NDUFA8: variants seen among roughly 807,000 people sequenced by gnomAD.
NDUFA8 encodes NADH:ubiquinone oxidoreductase subunit A8.
Under a neutral mutation model 20.9 loss-of-function variants are expected in NDUFA8, and 16 were observed. The observed-to-expected ratio is 0.77, with a 90% CI of 0.52 to 1.16. The LOEUF is 1.16. Ranked by LOEUF, NDUFA8 falls within the 50% of genes most tolerant of loss-of-function variation. The pLI, the probability that NDUFA8 is intolerant of heterozygous loss-of-function variation, is 0.00. For synonymous variants in NDUFA8, 70 were observed against 76.1 expected (o/e 0.92, Z 0.41); for missense variants, 202 against 216.4 (o/e 0.93, Z 0.42).
chr9:122,148,532 G>A (rs1403311267), intron 2 of NDUFA8, among the ~76,000 whole-genome samples: 2 of 151,872 alleles, frequency 1.3e-5, no homozygotes, highest in African/African-American at 2.4e-5. Context: ...CCTAATGCAC[G>A]CCTATTTTAC....
chr9:122,150,916 G>A (rs1411753603), intron 2 of NDUFA8, among the ~76,000 whole-genome samples: 7 of 132,756 alleles, frequency 5.3e-5, no homozygotes, highest in African/African-American at 5.6e-5. Flanking sequence ...AGGTTGCAGT[G>A]AGCCAAGATC....
intron 3 of NDUFA8, among the ~76,000 whole-genome samples, chr9:122,146,289 T>TA (rs1030591852): frequency 3.3e-5 from 5 of 152,206 alleles, no homozygotes; most frequent in African/African-American, 1.2e-4. Context: ...TGAAAAGAGT[T>TA]AAGAGAATTT....
chr9:122,147,787 C>T (rs148588388), intron 3 of NDUFA8, among the ~76,000 whole-genome samples: 3,887 of 152,016 alleles, frequency 0.026, 65 homozygotes, highest in South Asian at 0.037. Flanking sequence ...CCACCACACC[C>T]GGCTAATTTT....
chr9:122,140,433 C>G (rs978613932), downstream of NDUFA8, among the ~76,000 whole-genome samples: 4 of 152,140 alleles, frequency 2.6e-5, no homozygotes, highest in Admixed American at 6.5e-5. Flanking sequence ...GATTTGATAT[C>G]TACAAAGATG....
At chr9:122,135,495 A>G in the NDUFA8 span, among the ~76,000 whole-genome samples, 1 of 152,130 alleles carries the variant, frequency 6.6e-6, no homozygotes, top group Non-Finnish European at 1.5e-5. Flanking sequence ...GTCTCTCCTC[A>G]TGCTTCCATT....
At chr9:122,159,265 C>G (rs758074177) in intron 1 of NDUFA8, among the ~76,000 whole-genome samples, 5 of 152,116 alleles carry the variant, frequency 3.3e-5, no homozygotes, top group Non-Finnish European at 7.4e-5. Flanking sequence ...ACTGTGAGCC[C>G]CTAGGGTTGT....
At chr9:122,134,852 G>A in the NDUFA8 span, among the ~76,000 whole-genome samples, 1 of 152,160 alleles carries the variant, frequency 6.6e-6, no homozygotes, top group Admixed American at 6.5e-5. Context: ...GACCATTCCT[G>A]ACACTGGACT....
intron 1 of NDUFA8, among the ~76,000 whole-genome samples, chr9:122,153,355 G>A (rs550350753): frequency 8.7e-6 from 1 of 115,448 alleles, no homozygotes; most frequent in South Asian, 2.7e-4. Flanking sequence ...GATGAGGCTG[G>A]AAGAGATCAC....
chr9:122,156,390 CTTTA>C (rs1387759197), intron 1 of NDUFA8, among the ~76,000 whole-genome samples: 1 of 152,142 alleles, frequency 6.6e-6, no homozygotes, highest in Non-Finnish European at 1.5e-5. Flanking sequence ...TTTTATAGTA[CTTTA>C]TTTATACCAT....
the NDUFA8 span, among the ~76,000 whole-genome samples, chr9:122,137,455 A>G: frequency 6.6e-6 from 1 of 151,906 alleles, no homozygotes; most frequent in Admixed American, 6.6e-5. Context: ...TGGCCAGGCT[A>G]GTCTCAAACT....
the NDUFA8 span, among the ~76,000 whole-genome samples, chr9:122,138,837 C>T: frequency 7.6e-6 from 1 of 132,132 alleles, no homozygotes. Flanking sequence ...TGAGCTGAAT[C>T]TCCAAGAAAG....
intron 1 of NDUFA8, among the ~76,000 whole-genome samples, 184 bp from the exon 2 acceptor site, chr9:122,152,592 A>G (rs2118711547): frequency 7.0e-6 from 1 of 143,860 alleles, no homozygotes; most frequent in African/African-American, 2.6e-5. Context: ...TTTCACTCCC[A>G]TTCCCCAGGC....
chr9:122,146,253 T>C (rs554505229), intron 3 of NDUFA8, among the ~76,000 whole-genome samples: 1 of 152,304 alleles, frequency 6.6e-6, no homozygotes, highest in Admixed American at 6.5e-5. Flanking sequence ...GTGTGAGCCA[T>C]GGCACCTGAT....
intron 2 of NDUFA8, among the ~76,000 whole-genome samples, chr9:122,148,689 G>T (rs1828944677): frequency 2.0e-5 from 3 of 151,964 alleles, no homozygotes; most frequent in African/African-American, 7.3e-5. Flanking sequence ...ACAGACAATG[G>T]CAAAGGAAGA....
At chr9:122,147,816 C>T (rs1336190347) in intron 3 of NDUFA8, among the ~76,000 whole-genome samples, 1 of 152,036 alleles carries the variant, frequency 6.6e-6, no homozygotes, top group Non-Finnish European at 1.5e-5. Flanking sequence ...TTAGTAGAGA[C>T]GGGGTTTTAC....
downstream of NDUFA8, among the ~76,000 whole-genome samples, chr9:122,142,264 G>A (rs928403127): frequency 1.3e-5 from 2 of 152,184 alleles, no homozygotes; most frequent in African/African-American, 4.8e-5. Flanking sequence ...GGAATCAGAT[G>A]TATCTGGGTT....
Position 122,156,877 on chromosome 9 carries a change from T to C in NDUFA8, c.51+2750A>G, listed in dbSNP as rs1829083282. ...TCATTAACATCTTTCTCAATAATTT[T>C]AAGAGCCACTGAGACTAGTCTCCCT... is the stretch of plus-strand genomic sequence containing the variant. On this transcript the variant is annotated intron_variant, in intron 1 of 3. Transcript: ENST00000373768. Among the ~76,000 whole-genome samples the C allele has an allele frequency of 2.0e-5, 3 of 152,372 alleles. No individual in the cohort carries two copies. In the South Asian group the frequency reaches 6.2e-4, roughly 32 times the overall value.
At chr9:122,133,858 G>A in the NDUFA8 span, among the ~76,000 whole-genome samples, 146 of 152,274 alleles carry the variant, frequency 9.6e-4, no homozygotes, top group African/African-American at 3.3e-3. Context: ...AAACAATAGC[G>A]CTGTCAGGAA....
chr9:122,135,373 G>A, the NDUFA8 span, among the ~76,000 whole-genome samples: 1 of 152,222 alleles, frequency 6.6e-6, no homozygotes, highest in South Asian at 2.1e-4. Context: ...TCTCAAGTCT[G>A]ACAGAAGACT....
Sources: allele counts gnomAD v4.1 joint callset (sites outside exome capture counted in the v4.1 genomes callset), GRCh38; gene constraint gnomAD v4.1.1; transcripts MANE v1.5; gene names NCBI Gene and HGNC (gene_info 2026-07-23, HGNC 2026-07-21).